POLR3E: variants seen among roughly 807,000 people sequenced by gnomAD.
POLR3E encodes the protein DNA-directed RNA polymerase III subunit RPC5.
POLR3E carries 41 observed loss-of-function variants against 96.6 expected under a neutral mutation model. The observed-to-expected ratio is 0.42, with a 90% CI of 0.33 to 0.55. The LOEUF is 0.55. Among genes scored for constraint, POLR3E ranks in the 20% least tolerant of loss-of-function variants. POLR3E has a pLI of 0.06. For missense variants in POLR3E, 849 were observed against 952.1 expected (o/e 0.89, Z 1.43); for synonymous variants, 396 against 383.6 (o/e 1.03, Z -0.38).
At position 22,332,054 on chromosome 16, in the gene POLR3E, C is replaced by T; in HGVS notation, c.1945-6C>T. On this transcript the variant is annotated splice_polypyrimidine_tract_variant and splice_region_variant and intron_variant, in intron 19 of 20. Coordinates refer to ENST00000299853, the MANE Select transcript of POLR3E (RefSeq NM_018119.4). The stretch of plus-strand genomic sequence containing the variant: ...TTCCCATCATAACGTGTTTTTGCTA[C>T]TAAAGCATCGACAGGTTTTGCTTGA... 1 of 1,612,790 alleles carries T rather than the reference C, an allele frequency of 6.2e-7. No homozygotes were observed. The highest frequency in any genetic ancestry group is 8.5e-7 in the Non-Finnish European group (1 of 1,179,396).
chr16:22,315,961 A>T (rs910664740), intron 9 of POLR3E, among the ~76,000 whole-genome samples: 1 of 152,076 alleles, frequency 6.6e-6, no homozygotes, highest in African/African-American at 2.4e-5. Context: ...AGCCACGACC[A>T]CCTGGCCCTG....
intron 19 of POLR3E, chr16:22,331,789 C>A (rs888182827): frequency 4.7e-5 from 14 of 295,988 alleles, no homozygotes; most frequent in Non-Finnish European, 9.0e-5. Flanking sequence ...TTCACCAGTT[C>A]TTTTGTTATG....
Position 22,322,747 on chromosome 16 carries a change from G to A in POLR3E, c.987-103G>A, listed in dbSNP as rs1042659921. The A allele has an allele frequency of 1.3e-6, 1 of 776,652 alleles. No individual in the cohort carries two copies. Among genetic ancestry groups the A allele is most frequent in the East Asian group, 2.7e-5 (1 of 37,642 alleles). 48.1% of individuals were successfully genotyped at this position (776,652 alleles called of 1,614,324 possible). A position where few individuals can be genotyped will look rare whatever the true frequency, so the allele number is the denominator to read the frequency against. ...GTCTTGGGGCTCAGGCCTGTACCCA[G>A]CCCACGGTGGAAAGAAGCATGGACT... On this transcript the variant is annotated intron_variant, in intron 13 of 20. Transcript: ENST00000299853. The surrounding 1 kb of genome is among the most constrained non-coding windows in gnomAD (Gnocchi z 5.2).
chr16:22,312,888 A>AC (rs2048276418), intron 6 of POLR3E, among the ~76,000 whole-genome samples: 1 of 151,700 alleles, frequency 6.6e-6, no homozygotes, highest in Non-Finnish European at 1.5e-5. Flanking sequence ...AAAAAAAAAA[A>AC]AAAAAAAAAC....
intron 13 of POLR3E, among the ~76,000 whole-genome samples, chr16:22,319,817 C>CA (rs1377251426): frequency 6.6e-6 from 1 of 152,188 alleles, no homozygotes; most frequent in Non-Finnish European, 1.5e-5. Context: ...TCTATCCCCT[C>CA]AAACATTTCT....
At position 22,333,929 on chromosome 16, in the gene POLR3E, G is replaced by A. The variant is rs771315259; in HGVS notation, c.*229G>A. On this transcript the variant is annotated 3_prime_UTR_variant, in exon 21 of 21. Transcript: ENST00000299853. ...GAAGAGACCAGCTGGGACCTTCTTT[G>A]CAGTACAATTTGAAATTCCTGATGT... The A allele has an allele frequency of 6.0e-5, 26 of 433,188 alleles. 1 individual carries two copies. In the Admixed American group the frequency reaches 6.2e-4, roughly 10 times the overall value. 26.8% of individuals were successfully genotyped at this position (433,188 alleles called of 1,614,324 possible). A position where few individuals can be genotyped will look rare whatever the true frequency, so the allele number is the denominator to read the frequency against.
rs1210880024 is a variant in POLR3E, at chr16:22,305,150, TC to T, written c.37-3del. The T allele has an allele frequency of 2.5e-6, 4 of 1,612,422 alleles. No individual in the cohort carries two copies. Among genetic ancestry groups the T allele is most frequent in the Non-Finnish European group, 3.4e-6 (4 of 1,178,446 alleles). ...TCCCGGTTAAGTCGTCTTCCCTTCTTCCCAGATCGATGTGTACTTGGCCAAG... is the reference window on the plus strand; with the variant it reads ...TCCCGGTTAAGTCGTCTTCCCTTCTTCCAGATCGATGTGTACTTGGCCAAG... On this transcript the variant is annotated splice_region_variant and splice_polypyrimidine_tract_variant and intron_variant, in intron 2 of 20. Coordinates refer to ENST00000299853, the MANE Select transcript of POLR3E (RefSeq NM_018119.4).
rs990448105 is a variant in POLR3E, at chr16:22,313,979, C to T, written c.473-100C>T. 6 of 1,067,314 alleles carry T rather than the reference C, an allele frequency of 5.6e-6. No individual in the cohort carries two copies. Among genetic ancestry groups the T allele is most frequent in the African/African-American group, 3.1e-5 (2 of 64,426 alleles). 66.1% of individuals were successfully genotyped at this position (1,067,314 alleles called of 1,614,324 possible). ...TAGGCAGCTCCCTCTGCGAGGAGAA[C>T]TCCCAGCACCCCGGCCTGAGGCTTC... On this transcript the variant is annotated intron_variant, in intron 7 of 20. Transcript: ENST00000299853. This position sits in a 1 kb window ranked among gnomAD's most constrained non-coding sequence, Gnocchi z 4.1.
In POLR3E at chr16:22,326,273, G is replaced by C; in HGVS notation, c.1861G>C (p.Val621Leu). ...GGCCGCCGGTTGCAAGCAGATACTG[G>C]TGCCTGTAAGTAGAGCCCTGCCTGC... Reference protein sequence around the residue: ...VLAAGCKQILVPFPPQTAASP... With the variant: ...VLAAGCKQILLPFPPQTAASP... The change falls in exon 18 of 21, where the codon GTG becomes CTG. Residue 621 changes from valine to leucine, a missense_variant. By Grantham distance (32) the Val-to-Leu change is conservative. Coordinates refer to ENST00000299853, the MANE Select transcript of POLR3E (RefSeq NM_018119.4). 7.4e-7 allele frequency: 1 copy of C among 1,358,236 alleles called. No individual in the cohort carries two copies. The highest frequency in any genetic ancestry group is 9.8e-7 in the Non-Finnish European group (1 of 1,019,276). 84.1% of individuals were successfully genotyped at this position (1,358,236 alleles called of 1,614,324 possible).
intron 16 of POLR3E, among the ~76,000 whole-genome samples, chr16:22,324,893 A>T (rs2048546880): frequency 6.6e-6 from 1 of 152,168 alleles, no homozygotes; most frequent in Non-Finnish European, 1.5e-5. Flanking sequence ...CAGGACACAC[A>T]GCCAGTACCT....
intron 6 of POLR3E, among the ~76,000 whole-genome samples, chr16:22,312,582 C>T (rs984882883): frequency 4.0e-5 from 6 of 151,028 alleles, no homozygotes; most frequent in Non-Finnish European, 5.9e-5. Context: ...AAGTACAAGG[C>T]GCGGCCGGGC....
chr16:22,317,046 A>G lies in POLR3E; in HGVS notation c.773+7A>G. On this transcript the variant is annotated splice_region_variant and intron_variant, in intron 11 of 20. Transcript: ENST00000299853. ...CCAGCCAGGAGGAGGAGAAGTGAGT[A>G]GAGGCGGCAGGACACCCTCTCCCTT... is the stretch of plus-strand genomic sequence containing the variant. 6.2e-7 allele frequency: 1 copy of G among 1,614,108 alleles called. No individual in the cohort carries two copies. The highest frequency in any genetic ancestry group is 8.5e-7 in the Non-Finnish European group (1 of 1,179,928).
chr16:22,324,745 A>T, intron 16 of POLR3E, 85 bp downstream of exon 16: 1 of 1,435,738 alleles, frequency 7.0e-7, no homozygotes, highest in Non-Finnish European at 9.8e-7. Context: ...GGATCCGAGC[A>T]ATCTCTAGAA....
Position 22,315,176 on chromosome 16 carries a change from C to G in POLR3E, c.610C>G (p.Pro204Ala), listed in dbSNP as rs1289458201. 1.2e-6 allele frequency: 2 copies of G among 1,603,458 alleles called. No individual in the cohort carries two copies. ...EFLQKKHAEE[P>A]WVHLHYYGLR... ...CCTGCAGAAGAAGCACGCAGAGGAG[C>G]CCTGGGTCCACCTGCATTACTATGG... Residue 204 changes from proline to alanine, a missense_variant, in exon 9 of 21, where the codon CCC becomes GCC. Pro to Ala is a conservative substitution (Grantham distance 27). Coordinates refer to ENST00000299853, the MANE Select transcript of POLR3E (RefSeq NM_018119.4).
intron 20 of POLR3E, among the ~76,000 whole-genome samples, 155 bp downstream of exon 20, chr16:22,332,340 T>C (rs2048758233): frequency 6.6e-6 from 1 of 152,196 alleles, no homozygotes; most frequent in Admixed American, 6.5e-5. Flanking sequence ...TAATGATTGA[T>C]TGATTGGCAT....
intron 1 of POLR3E, among the ~76,000 whole-genome samples, chr16:22,301,648 G>A (rs999307993): frequency 2.0e-5 from 3 of 147,952 alleles, no homozygotes; most frequent in South Asian, 2.1e-4. Context: ...GGTCTCAGCC[G>A]GGCGCAGTGG....
chr16:22,305,567 T>C (rs1485235309), intron 3 of POLR3E: 10 of 469,894 alleles, frequency 2.1e-5, no homozygotes, highest in African/African-American at 9.8e-5. Flanking sequence ...GCCTGCCTCA[T>C]AGGTCCCCAG....
chr16:22,325,829 G>C lies in POLR3E; in HGVS notation c.1417G>C (p.Ala473Pro). 2 of 1,611,350 alleles carry C rather than the reference G, an allele frequency of 1.2e-6. No individual in the cohort carries two copies. Among genetic ancestry groups the C allele is most frequent in the Non-Finnish European group, 1.7e-6 (2 of 1,179,090 alleles). ...CAAAACCAAGGCCCAGCAGAACCAC[G>C]CGTTGCTGGAGCGGGAGCTGCAGCG... ...VAKTKAQQNH[A>P]LLERELQRRK... Residue 473 changes from alanine (A) to proline (P), a missense_variant, in exon 18 of 21, where the codon GCG becomes CCG. By Grantham distance (27) the Ala-to-Pro change is conservative. Transcript: ENST00000299853.
rs1312806589 is a variant in POLR3E, at chr16:22,322,431, C to T, written c.987-419C>T. 6.6e-6 allele frequency among the ~76,000 whole-genome samples: 1 copy of T among 152,188 alleles called. No individual in the cohort carries two copies. The highest frequency in any genetic ancestry group is 1.5e-5 in the Non-Finnish European group (1 of 68,036). On this transcript the variant is annotated intron_variant, in intron 13 of 20. Transcript: ENST00000299853. The surrounding 1 kb of genome is among the most constrained non-coding windows in gnomAD (Gnocchi z 5.2). The stretch of plus-strand genomic sequence containing the variant: ...GACCTCGGTTCATGCCCACCTGCCC[C>T]TTTCAGCAGGTGGCCAAGGGCTTGC...
Sources: allele counts gnomAD v4.1 joint callset (sites outside exome capture counted in the v4.1 genomes callset), GRCh38; gene constraint gnomAD v4.1.1; non-coding constraint Gnocchi (gnomAD v3.1); transcripts MANE v1.5; gene names NCBI Gene and HGNC (gene_info 2026-07-23, HGNC 2026-07-21).